Variants in BPI observed in about 807,000 individuals in gnomAD.
BPI encodes bactericidal permeability increasing protein, also known as bactericidal permeability-increasing protein.
A neutral mutation model predicts 57.6 loss-of-function variants in BPI; 48 were observed. That is an observed-to-expected ratio of 0.83 (90% CI 0.66 to 1.06). BPI has a LOEUF of 1.06. Ranked by LOEUF, BPI falls within the 50% of genes least tolerant of loss-of-function variation. The pLI is 0.00. For synonymous variants in BPI, 237 were observed against 238.2 expected, an observed-to-expected ratio of 0.99 and a Z score of 0.05; for missense variants, 651 against 609.7, an observed-to-expected ratio of 1.07 and a Z score of -0.71.
At position 38,324,792 on chromosome 20, in the gene BPI, T is replaced by C. The variant is rs1309215044; in HGVS notation, c.952T>C (p.Phe318Leu). Reference sequence around the variant, plus strand: ...GCTACAGATTCCAAAGGAGTCCAAATTTCGACTGACAACCAAGTTCTTTGG... The same window carrying C: ...GCTACAGATTCCAAAGGAGTCCAAACTTCGACTGACAACCAAGTTCTTTGG... Reference protein sequence around the residue: ...RDDMIPKESKFRLTTKFFGTF... With the variant: ...RDDMIPKESKLRLTTKFFGTF... The change falls in exon 9 of 15, where the codon TTT (phenylalanine) becomes CTT (leucine). Residue 318 changes from phenylalanine to leucine, a missense_variant. Coordinates refer to ENST00000642449, the MANE Select transcript of BPI (RefSeq NM_001725.3). 5 of 1,613,364 alleles carry C rather than the reference T, an allele frequency of 3.1e-6. No individual in the cohort carries two copies. The South Asian group carries it at 3.3e-5, about 11-fold the overall frequency.
intron 6 of BPI, among the ~76,000 whole-genome samples, chr20:38,318,895 G>A (rs538744616): frequency 2.0e-5 from 3 of 152,218 alleles, no homozygotes; most frequent in African/African-American, 4.8e-5. Context: ...GAAATTGTCC[G>A]CTCTCAGCCT....
At chr20:38,312,051 A>C in intron 5 of BPI, 114 bp downstream of exon 5, 1 of 1,085,002 alleles carries the variant, frequency 9.2e-7, no homozygotes, top group Non-Finnish European at 1.4e-6. Context: ...GGTAGTCCTT[A>C]TGGCCCTTTG....
At chr20:38,326,075 G>A (rs776973636) in intron 9 of BPI, among the ~76,000 whole-genome samples, 190 bp from the exon 10 acceptor site, 9 of 152,330 alleles carry the variant, frequency 5.9e-5, no homozygotes, top group Middle Eastern at 3.4e-3. Flanking sequence ...AGAGATGGAA[G>A]ACAAGAGGCA....
chr20:38,326,548 C>T, intron 10 of BPI, 116 bp downstream of exon 10: 2 of 1,276,536 alleles, frequency 1.6e-6, no homozygotes, highest in African/African-American at 3.0e-5. Context: ...CTGTGTCACT[C>T]CGGAGCCTGA....
chr20:38,313,838 GTGA>G (rs1285439909), intron 5 of BPI, among the ~76,000 whole-genome samples: 8 of 149,836 alleles, frequency 5.3e-5, no homozygotes, highest in African/African-American at 1.5e-4. Context: ...AATGGTGATG[GTGA>G]TGATGGTGAT....
intron 1 of BPI, 77 bp from the exon 2 acceptor site, chr20:38,307,490 G>A (rs2076602371): frequency 9.3e-7 from 1 of 1,072,988 alleles, no homozygotes; most frequent in African/African-American, 1.6e-5. Flanking sequence ...GGGGCCCAGG[G>A]TCCAGAGCCT....
At chr20:38,320,401 A>G in intron 7 of BPI, 127 bp downstream of exon 7, 1 of 692,316 alleles carries the variant, frequency 1.4e-6, no homozygotes. Flanking sequence ...CACCCTCTCT[A>G]CTCTCCCCGC....
chr20:38,324,287 C>G (rs2076701348), intron 8 of BPI, among the ~76,000 whole-genome samples: 1 of 152,230 alleles, frequency 6.6e-6, no homozygotes, highest in South Asian at 2.1e-4. Context: ...CTGGCTTTCT[C>G]CAAAGGGTGT....
chr20:38,324,469 C>T (rs1013998556), intron 8 of BPI, among the ~76,000 whole-genome samples: 1 of 152,182 alleles, frequency 6.6e-6, no homozygotes, highest in South Asian at 2.1e-4. Context: ...AAGGCAGAGG[C>T]AGACTTCCTG....
intron 11 of BPI, among the ~76,000 whole-genome samples, chr20:38,330,593 T>TCTCTTGG (rs1316883472): frequency 2.6e-5 from 4 of 152,230 alleles, no homozygotes; most frequent in Non-Finnish European, 5.9e-5. Flanking sequence ...TCTGTCTCCA[T>TCTCTTGG]CTCTTGGCTT....
intron 14 of BPI, among the ~76,000 whole-genome samples, chr20:38,336,254 G>A (rs527985969): frequency 1.4e-4 from 22 of 152,034 alleles, no homozygotes; most frequent in African/African-American, 5.3e-4. Flanking sequence ...GCAAGCTGGA[G>A]ATCTCCAGGA....
At position 38,331,784 on chromosome 20, in the gene BPI, A is replaced by G. The variant is rs570157820; in HGVS notation, c.1272+694A>G. ...CTTCAGCCCGGGAGTTCCAGGTTAC[A>G]CAAGCTAAGATCATGCTACACTGCA... is the stretch of plus-strand genomic sequence containing the variant. On this transcript the variant is annotated intron_variant, in intron 12 of 14. Transcript: ENST00000642449. Among the ~76,000 whole-genome samples the G allele has an allele frequency of 4.0e-5, 6 of 151,810 alleles. No individual in the cohort carries two copies. The South Asian group carries it at 1.0e-3, about 26-fold the overall frequency.
At chr20:38,331,164 A>G (rs2425357) in intron 12 of BPI, 74 bp downstream of exon 12, 1,464,403 of 1,521,132 alleles carry the variant, frequency 0.96, 705,144 homozygotes, top group East Asian at 1. Flanking sequence ...TCATAGGCTC[A>G]AGGCATTATT....
At chr20:38,311,207 C>G (rs1448913889) in intron 4 of BPI, among the ~76,000 whole-genome samples, 1 of 152,232 alleles carries the variant, frequency 6.6e-6, no homozygotes, top group African/African-American at 2.4e-5. Flanking sequence ...TAGGCAATAA[C>G]TTAAGTTGCT....
intron 14 of BPI, among the ~76,000 whole-genome samples, chr20:38,336,334 C>G (rs2122575083): frequency 6.6e-6 from 1 of 152,258 alleles, no homozygotes; most frequent in Middle Eastern, 3.4e-3. Context: ...CCTCTTCAGG[C>G]TTAGCTGCCA....
chr20:38,304,171 G>A lies in BPI; in HGVS notation c.-53G>A. 6.2e-7 allele frequency: 1 copy of A among 1,611,474 alleles called. No homozygotes were observed. The highest frequency in any genetic ancestry group is 1.1e-5 in the South Asian group (1 of 91,032). The stretch of plus-strand genomic sequence containing the variant: ...CCAGCCGACTCTTTTATAGCTCCCT[G>A]GTTCAACCTCAAGGCCTTGAGGTTT... On this transcript the variant is annotated 5_prime_UTR_variant, in exon 1 of 15. Transcript: ENST00000642449.
At chr20:38,325,438 A>T (rs536332709) in intron 9 of BPI, among the ~76,000 whole-genome samples, 121 of 152,292 alleles carry the variant, frequency 7.9e-4, no homozygotes, top group African/African-American at 2.8e-3. Flanking sequence ...TGGCTTGTAG[A>T]CTGCCTCCTT....
intron 14 of BPI, 125 bp from the exon 15 acceptor site, chr20:38,337,020 TG>T: frequency 1.1e-6 from 1 of 876,548 alleles, no homozygotes; most frequent in East Asian, 2.7e-5. Context: ...TGACCCCCAC[TG>T]GCCCTGCCTT....
At chr20:38,327,044 T>G (rs1446077014) in intron 10 of BPI, among the ~76,000 whole-genome samples, 1 of 152,206 alleles carries the variant, frequency 6.6e-6, no homozygotes, top group Non-Finnish European at 1.5e-5. Flanking sequence ...ATTCATCCCT[T>G]TGATCACTCC....
Sources: allele counts gnomAD v4.1 joint callset (sites outside exome capture counted in the v4.1 genomes callset), GRCh38; gene constraint gnomAD v4.1.1; transcripts MANE v1.5; gene names NCBI Gene and HGNC (gene_info 2026-07-23, HGNC 2026-07-21).